SLC9A9: variants seen among roughly 807,000 people sequenced by gnomAD.
SLC9A9 encodes sodium/hydrogen exchanger 9.
Under a neutral mutation model 77.8 loss-of-function variants are expected in SLC9A9, and 62 were observed. The ratio of observed to expected loss-of-function variants is 0.80; its 90% confidence interval spans 0.65 to 0.98. The LOEUF is 0.98. SLC9A9 is among the 50% of genes least tolerant of loss of function. The pLI, the probability that SLC9A9 is intolerant of heterozygous loss-of-function variation, is 0.00. For missense variants in SLC9A9, 775 were observed against 774.9 expected, an observed-to-expected ratio of 1.00 and a Z score of 0.00; for synonymous variants, 320 against 283.5, an observed-to-expected ratio of 1.13 and a Z score of -1.29.
chr3:143,312,326 C>A (rs1477285342), intron 14 of SLC9A9, among the ~76,000 whole-genome samples: 2 of 152,224 alleles, frequency 1.3e-5, no homozygotes, highest in East Asian at 3.8e-4. Context: ...CACAAAAGCA[C>A]CTCTACCAAA....
chr3:143,580,376 C>T (rs1009514743), intron 6 of SLC9A9, among the ~76,000 whole-genome samples: 1 of 152,182 alleles, frequency 6.6e-6, no homozygotes, highest in Non-Finnish European at 1.5e-5. Flanking sequence ...ACTAGTAGAT[C>T]TGACCCATAG....
rs115371364 is a variant in SLC9A9, at chr3:143,789,977, C to A, written c.533+5024G>T. Among the ~76,000 whole-genome samples the A allele has an allele frequency of 6.3e-3, 952 of 152,232 alleles. 11 individuals are homozygous for A. Among genetic ancestry groups the A allele is most frequent in the African/African-American group, 0.021 (857 of 41,532 alleles). On this transcript the variant is annotated intron_variant, in intron 4 of 15. Transcript: ENST00000316549. ...ATATGGTTTGGCTGTGTCCCTACCC[C>A]AAATCTCATGTTGAATAGTAATCTG... is the stretch of plus-strand genomic sequence containing the variant.
At position 143,608,603 on chromosome 3, in the gene SLC9A9, C is replaced by CT. The variant is rs527411932; in HGVS notation, c.756-29881dup. ...AGTTCTTTAATATCCTGTGGAAGGA[C>CT]TTTTTTTCTGGTACTGGTAGCTAAA... On this transcript the variant is annotated intron_variant, in intron 6 of 15. Transcript: ENST00000316549. Among the ~76,000 whole-genome samples, 145 of 152,192 alleles carry CT rather than the reference C, an allele frequency of 9.5e-4. 3 individuals carry two copies. The South Asian group carries it at 0.029, about 30-fold the overall frequency.
chr3:143,410,955 C>T (rs919673965), intron 12 of SLC9A9, among the ~76,000 whole-genome samples: 1 of 151,958 alleles, frequency 6.6e-6, no homozygotes, highest in African/African-American at 2.4e-5. Context: ...TTTTGGTAAT[C>T]ATTTGTTGTT....
chr3:143,272,335 A>G (rs1937920638), intron 14 of SLC9A9, among the ~76,000 whole-genome samples: 1 of 152,188 alleles, frequency 6.6e-6, no homozygotes, highest in African/African-American at 2.4e-5. Context: ...TGGTCTCCTG[A>G]AGGCAGTCCC....
chr3:143,358,913 G>A (rs1221062596), intron 14 of SLC9A9, among the ~76,000 whole-genome samples: 1 of 152,196 alleles, frequency 6.6e-6, no homozygotes, highest in Non-Finnish European at 1.5e-5. Context: ...CCAGATCGTT[G>A]TACTAATAAA....
At chr3:143,429,364 G>C (rs1576491132) in intron 12 of SLC9A9, among the ~76,000 whole-genome samples, 2 of 152,286 alleles carry the variant, frequency 1.3e-5, no homozygotes, top group East Asian at 3.9e-4. Flanking sequence ...GATGAGGTAT[G>C]GAGTAAGAGT....
At position 143,791,256 on chromosome 3, in the gene SLC9A9, G is replaced by A. The variant is rs79081975; in HGVS notation, c.533+3745C>T. Reference sequence around the variant, plus strand: ...GGTTTCTTCAACTTTCTTGCCAGAAGGAATATTGTTAAACTTTCCCATGCA... The same window carrying A: ...GGTTTCTTCAACTTTCTTGCCAGAAAGAATATTGTTAAACTTTCCCATGCA... On this transcript the variant is annotated intron_variant, in intron 4 of 15. Transcript: ENST00000316549. Among the ~76,000 whole-genome samples the A allele has an allele frequency of 6.0e-3, 919 of 152,260 alleles. 11 individuals are homozygous for A. The highest frequency in any genetic ancestry group is 0.02 in the African/African-American group (828 of 41,538).
At chr3:143,369,594 T>C (rs2032996052) in intron 13 of SLC9A9, among the ~76,000 whole-genome samples, 3 of 152,164 alleles carry the variant, frequency 2.0e-5, no homozygotes, top group Admixed American at 2.0e-4. Context: ...TGTATCAAAT[T>C]ATCATTCTGT....
chr3:143,777,399 G>A (rs2007726022), intron 4 of SLC9A9, among the ~76,000 whole-genome samples: 1 of 151,888 alleles, frequency 6.6e-6, no homozygotes, highest in African/African-American at 2.4e-5. Context: ...CTCCCTTCTA[G>A]AGAAAAAAAT....
At chr3:143,289,267 C>T (rs890688054) in intron 14 of SLC9A9, among the ~76,000 whole-genome samples, 1 of 152,188 alleles carries the variant, frequency 6.6e-6, no homozygotes, top group Non-Finnish European at 1.5e-5. Flanking sequence ...ACAACAGCAG[C>T]CAGTGATTCA....
At chr3:143,289,241 A>G (rs377369276) in intron 14 of SLC9A9, among the ~76,000 whole-genome samples, 81 of 152,306 alleles carry the variant, frequency 5.3e-4, no homozygotes, top group African/African-American at 1.9e-3. Context: ...TGGAGGCTCA[A>G]TTCACTGCCT....
chr3:143,547,502 G>A (rs1033577259), intron 9 of SLC9A9, among the ~76,000 whole-genome samples: 2 of 152,108 alleles, frequency 1.3e-5, no homozygotes, highest in South Asian at 2.1e-4. Flanking sequence ...TAAAACGTAC[G>A]TACATGCCTG....
intron 12 of SLC9A9, among the ~76,000 whole-genome samples, chr3:143,441,044 C>A (rs1408703556): frequency 6.6e-6 from 1 of 152,164 alleles, no homozygotes; most frequent in Non-Finnish European, 1.5e-5. Context: ...TTCTTGTTAA[C>A]CCAGTTTTTT....
chr3:143,784,209 C>T (rs796573742), intron 4 of SLC9A9, among the ~76,000 whole-genome samples: 2 of 152,166 alleles, frequency 1.3e-5, no homozygotes, highest in South Asian at 2.1e-4. Context: ...GTCAAGTTTC[C>T]GTGAATACCC....
At chr3:143,616,532 C>T (rs2038110340) in intron 6 of SLC9A9, among the ~76,000 whole-genome samples, 2 of 152,128 alleles carry the variant, frequency 1.3e-5, no homozygotes, top group African/African-American at 2.4e-5. Context: ...AACCTATATA[C>T]AGTCTATGCT....
At chr3:143,287,728 T>C (rs1392853162) in intron 14 of SLC9A9, among the ~76,000 whole-genome samples, 1 of 152,218 alleles carries the variant, frequency 6.6e-6, no homozygotes, top group African/African-American at 2.4e-5. Context: ...GGAATAACAG[T>C]GAATTCATAG....
intron 4 of SLC9A9, among the ~76,000 whole-genome samples, chr3:143,738,974 G>A (rs531281694): frequency 3.5e-4 from 53 of 152,208 alleles, no homozygotes; most frequent in Admixed American, 1.3e-3. Context: ...TCTTTTAGGA[G>A]TTTTTATGGA....
intron 14 of SLC9A9, among the ~76,000 whole-genome samples, chr3:143,326,503 A>G (rs1198211717): frequency 6.6e-6 from 1 of 151,678 alleles, no homozygotes; most frequent in Non-Finnish European, 1.5e-5. Context: ...CTGTTTCTTC[A>G]ATGCACTCAG....
Sources: gnomAD v4.1 joint callset for allele counts (sites outside exome capture counted in the v4.1 genomes callset) on GRCh38, gnomAD v4.1.1 for gene constraint, MANE v1.5 for transcripts, NCBI Gene and HGNC (gene_info 2026-07-23, HGNC 2026-07-21) for gene names.